Variants in DGKI observed in about 807,000 individuals in gnomAD.
DGKI encodes DAG kinase iota.
In DGKI, 55 loss-of-function variants were observed where a neutral mutation model predicts 147.5. That is an observed-to-expected ratio of 0.37 (90% confidence interval 0.30 to 0.47). DGKI has a LOEUF of 0.47. Among genes scored for constraint, DGKI ranks in the 20% least tolerant of loss-of-function variants. The probability of loss-of-function intolerance (pLI) is 1.00; values close to 1 mark genes in which losing one functional copy is unlikely to be tolerated. For missense variants in DGKI, 1,007 were observed against 1,323.8 expected (o/e 0.76, Z 3.71); for synonymous variants, 469 against 477.1 (o/e 0.98, Z 0.22).
intron 3 of DGKI, among the ~76,000 whole-genome samples, chr7:137,676,927 ACT>A (rs1823056983): frequency 6.6e-6 from 1 of 152,174 alleles, no homozygotes; most frequent in Non-Finnish European, 1.5e-5. Context: ...ATAAGGGATG[ACT>A]CTGTATAAAA....
chr7:137,701,400 G>A (rs1823979865), intron 1 of DGKI, among the ~76,000 whole-genome samples: 1 of 151,812 alleles, frequency 6.6e-6, no homozygotes, highest in Non-Finnish European at 1.5e-5. Context: ...TATTGGGAAG[G>A]AAAAAGTAAA....
intron 20 of DGKI, among the ~76,000 whole-genome samples, chr7:137,540,762 C>CAAA (rs1563075698): frequency 6.8e-5 from 4 of 58,400 alleles, no homozygotes; most frequent in Non-Finnish European, 1.2e-4. Flanking sequence ...AAAACCCCCC[C>CAAA]AAAAAAAAAA....
chr7:137,757,189 G>C lies in DGKI; in HGVS notation c.402-67187C>G, dbSNP rs73729023. The stretch of plus-strand genomic sequence containing the variant: ...ACGCTGCATCCACTTCTTAAACCTG[G>C]GTCATCGGGCTTCCCCCACCCCACT... On this transcript the variant is annotated intron_variant, in intron 1 of 32. Transcript: ENST00000614521. Among the ~76,000 whole-genome samples the C allele has an allele frequency of 4.4e-3, 673 of 151,902 alleles. 7 individuals are homozygous for C. The highest frequency in any genetic ancestry group is 0.016 in the African/African-American group (647 of 41,366).
chr7:137,678,605 C>G lies in DGKI; in HGVS notation c.558G>C (p.Ser186=), dbSNP rs374229914. The part of the protein sequence containing the change: ...GEHLWLETNV[S]GDLCYLGEEN... ...CCTCTCCAAGGTAGCAGAGGTCTCC[C>G]GAGACGTTGGTCTCCAGCCACAGGT... The change falls in exon 3 of 33, where the codon TCG becomes TCC. Residue 186 remains serine, a synonymous_variant. Coordinates refer to ENST00000614521, the MANE Select transcript of DGKI (RefSeq NM_001321708.2). 1 of 1,613,988 alleles carries G rather than the reference C, an allele frequency of 6.2e-7. No homozygotes were observed. The highest frequency in any genetic ancestry group is 1.3e-5 in the African/African-American group (1 of 74,892).
chr7:137,538,899 A>G (rs1241154681), intron 20 of DGKI, among the ~76,000 whole-genome samples: 1 of 152,148 alleles, frequency 6.6e-6, no homozygotes, highest in Non-Finnish European at 1.5e-5. Context: ...TCTCTCTCCA[A>G]TAAGCCCCAG....
intron 15 of DGKI, among the ~76,000 whole-genome samples, chr7:137,580,719 T>C (rs1487902837): frequency 6.6e-6 from 1 of 152,162 alleles, no homozygotes; most frequent in Non-Finnish European, 1.5e-5. Context: ...GTAGCATCAC[T>C]CTTGACTTCT....
intron 1 of DGKI, among the ~76,000 whole-genome samples, chr7:137,711,796 C>T (rs1333021736): frequency 2.7e-5 from 4 of 145,732 alleles, no homozygotes; most frequent in Non-Finnish European, 5.9e-5. Flanking sequence ...TGGGTTTAAG[C>T]GATTCTCCTG....
chr7:137,691,814 T>TTTTTTTTTTTTTTTTTTTTTTG (rs1400055999), intron 1 of DGKI, among the ~76,000 whole-genome samples: 1 of 136,014 alleles, frequency 7.4e-6, no homozygotes, highest in Non-Finnish European at 1.5e-5. Context: ...TTTTTTTTTT[T>TTTTTTTTTTTTTTTTTTTTTTG]TTTTTTTAAG....
At chr7:137,794,878 T>C (rs2116938516) in intron 1 of DGKI, among the ~76,000 whole-genome samples, 1 of 152,358 alleles carries the variant, frequency 6.6e-6, no homozygotes, top group Middle Eastern at 3.4e-3. Context: ...CCATTCCCCT[T>C]GGAGACACAG....
At chr7:137,716,307 G>T (rs929100370) in intron 1 of DGKI, among the ~76,000 whole-genome samples, 1 of 152,184 alleles carries the variant, frequency 6.6e-6, no homozygotes, top group South Asian at 2.1e-4. Context: ...AATAAAAACT[G>T]CAAGAAAGGC....
chr7:137,534,392 T>A (rs998857465), intron 20 of DGKI, among the ~76,000 whole-genome samples: 2 of 152,092 alleles, frequency 1.3e-5, no homozygotes, highest in Non-Finnish European at 2.9e-5. Context: ...AATATTTTAC[T>A]CACAAAGACT....
intron 1 of DGKI, among the ~76,000 whole-genome samples, chr7:137,807,535 C>T (rs1290209767): frequency 6.6e-6 from 1 of 152,190 alleles, no homozygotes; most frequent in Non-Finnish European, 1.5e-5. Context: ...CAAGTCACTG[C>T]ACATCCCTGG....
Position 137,689,959 on chromosome 7 carries a change from G to A in DGKI, c.445C>T (p.His149Tyr), listed in dbSNP as rs920136232. Reference protein sequence around the residue: ...RAGLQHLAPAHPLSLPVANGP... With the variant: ...RAGLQHLAPAYPLSLPVANGP... ...TTTGCCACAGGAAGGCTGAGGGGAT[G>A]TGCAGGAGCCAGATGCTGGAGGCCT... Residue 149 changes from histidine (H) to tyrosine (Y), a missense_variant, in exon 2 of 33, where the codon CAT becomes TAT. By Grantham distance (83) the His-to-Tyr change is moderately conservative. This residue lies in a region of DGKI where 259 missense variants were observed against 362.5 expected (regional missense o/e 0.71). Transcript: ENST00000614521. 1 of 1,610,018 alleles carries A rather than the reference G, an allele frequency of 6.2e-7. No homozygotes were observed. Among genetic ancestry groups the A allele is most frequent in the Non-Finnish European group, 8.5e-7 (1 of 1,178,270 alleles).
At chr7:137,624,878 T>TTA (rs766636939) in intron 6 of DGKI, among the ~76,000 whole-genome samples, 287 of 152,258 alleles carry the variant, frequency 1.9e-3, no homozygotes, top group Non-Finnish European at 3.2e-3. Context: ...AGTGCTAGGA[T>TTA]TATAGGCGTG....
At chr7:137,746,983 G>A (rs910170523) in intron 1 of DGKI, among the ~76,000 whole-genome samples, 1 of 152,138 alleles carries the variant, frequency 6.6e-6, no homozygotes, top group Non-Finnish European at 1.5e-5. Context: ...AAATACCCAG[G>A]AGTCAGGACC....
intron 28 of DGKI, among the ~76,000 whole-genome samples, chr7:137,426,240 A>C (rs1812799043): frequency 1.3e-5 from 2 of 152,192 alleles, no homozygotes; most frequent in Admixed American, 6.5e-5. Flanking sequence ...GTGGGGGCCG[A>C]TATTCAACAT....
chr7:137,609,667 A>C, intron 8 of DGKI, 58 bp from the exon 9 acceptor site: 1 of 1,259,222 alleles, frequency 7.9e-7, no homozygotes, highest in Non-Finnish European at 1.2e-6. Context: ...GAGCTTTCCC[A>C]TGCAGAACCA....
At chr7:137,419,994 T>C (rs905400732) in intron 28 of DGKI, among the ~76,000 whole-genome samples, 10 of 152,256 alleles carry the variant, frequency 6.6e-5, no homozygotes, top group Non-Finnish European at 1.2e-4. Context: ...GGCAGCGTTC[T>C]GCAGAGATAG....
At position 137,721,284 on chromosome 7, in the gene DGKI, G is replaced by A. The variant is rs939296767; in HGVS notation, c.402-31282C>T. 3.3e-5 allele frequency among the ~76,000 whole-genome samples: 5 copies of A among 152,188 alleles called. No individual in the cohort carries two copies. The South Asian group carries it at 1.0e-3, about 31-fold the overall frequency. ...TGAATGTCTTTCTGTATAAAGGCTT[G>A]TGTGTCTGTACTAGTAACTAGTCTA... On this transcript the variant is annotated intron_variant, in intron 1 of 32. Coordinates refer to ENST00000614521, the MANE Select transcript of DGKI (RefSeq NM_001321708.2).
Sources: gnomAD v4.1 joint callset for allele counts (sites outside exome capture counted in the v4.1 genomes callset) on GRCh38, gnomAD v4.1.1 for gene constraint, gnomAD v4.1.1 regional missense constraint, MANE v1.5 for transcripts, NCBI Gene and HGNC (gene_info 2026-07-23, HGNC 2026-07-21) for gene names.